Variants in COL25A1 observed in about 807,000 individuals in gnomAD.
COL25A1 encodes collagen type XXV alpha 1 chain.
A neutral mutation model predicts 128.4 loss-of-function variants in COL25A1; 103 were observed. The observed-to-expected ratio is 0.80, with a 90% CI of 0.68 to 0.94. COL25A1 has a LOEUF of 0.94. COL25A1 is among the 40% of genes least tolerant of loss of function. COL25A1 has a pLI of 0.00. For synonymous variants in COL25A1, 279 were observed against 277.2 expected (o/e 1.01, Z -0.06); for missense variants, 745 against 840.0 (o/e 0.89, Z 1.40).
intron 7 of COL25A1, 54 bp from the exon 8 acceptor site, chr4:108,974,447 T>C: frequency 1.9e-6 from 3 of 1,610,126 alleles, no homozygotes; most frequent in Non-Finnish European, 2.5e-6. Context: ...TACATGATGT[T>C]CATTAAAAAG....
At chr4:109,055,223 A>T (rs921312013) in intron 3 of COL25A1, among the ~76,000 whole-genome samples, 4 of 152,222 alleles carry the variant, frequency 2.6e-5, no homozygotes, top group Non-Finnish European at 4.4e-5. Flanking sequence ...AATAAAATTT[A>T]TTCTCTCCAT....
rs146371847 is a variant in COL25A1 at position 109,245,805 on chromosome 4, C to T, written c.367+54778G>A. Among the ~76,000 whole-genome samples, 129 of 152,010 alleles carry T rather than the reference C, an allele frequency of 8.5e-4. 3 individuals are homozygous for T. The highest frequency in any genetic ancestry group is 2.9e-3 in the African/African-American group (119 of 41,450). On this transcript the variant is annotated intron_variant, in intron 3 of 37. Coordinates refer to ENST00000399132, the MANE Select transcript of COL25A1 (RefSeq NM_198721.4). ...GAGCTTCAGTTAATACAACTATACC[C>T]CAAAGGTAGCAGCAAAAAAACAACT...
rs1363720041 is a variant in COL25A1, at chr4:108,809,145, C to CA, written c.*4781dup. 1.3e-5 allele frequency: 2 copies of CA among 151,700 alleles called. No individual in the cohort carries two copies. Among genetic ancestry groups the CA allele is most frequent in the African/African-American group, 4.8e-5 (2 of 41,350 alleles). The allele number at this position is 151,700 out of a possible 1,614,324, so 9.4% of individuals were successfully genotyped here. ...TAATCAATTGTATGAGACTGGCCCA[C>CA]AAACATTTAAAAAAATATGCAGTGT... On this transcript the variant is annotated 3_prime_UTR_variant, in exon 38 of 38. Coordinates refer to ENST00000399132, the MANE Select transcript of COL25A1 (RefSeq NM_198721.4).
chr4:109,155,799 T>C (rs1450901104), intron 3 of COL25A1, among the ~76,000 whole-genome samples: 1 of 152,218 alleles, frequency 6.6e-6, no homozygotes, highest in Admixed American at 6.5e-5. Flanking sequence ...GGCACCATTA[T>C]GTAAGTAGGC....
At chr4:109,246,817 G>A (rs1780296643) in intron 3 of COL25A1, among the ~76,000 whole-genome samples, 1 of 151,880 alleles carries the variant, frequency 6.6e-6, no homozygotes, top group African/African-American at 2.4e-5. Flanking sequence ...GGTTTGTAAG[G>A]GACACAAGGA....
intron 3 of COL25A1, among the ~76,000 whole-genome samples, chr4:109,081,797 G>A (rs1220059184): frequency 2.6e-5 from 4 of 151,676 alleles, no homozygotes; most frequent in African/African-American, 4.8e-5. Flanking sequence ...TCCATCTCCC[G>A]GGCTCAAGCA....
chr4:109,081,310 G>A (rs1763813977), intron 3 of COL25A1, among the ~76,000 whole-genome samples: 1 of 152,038 alleles, frequency 6.6e-6, no homozygotes, highest in Non-Finnish European at 1.5e-5. Context: ...AAGGGCAAGG[G>A]ATATACAAAA....
intron 3 of COL25A1, among the ~76,000 whole-genome samples, chr4:109,087,743 T>C (rs1326987937): frequency 1.3e-5 from 2 of 152,200 alleles, no homozygotes; most frequent in African/African-American, 4.8e-5. Flanking sequence ...TTAGGAAATA[T>C]ATTCTTCAAA....
intron 3 of COL25A1, among the ~76,000 whole-genome samples, chr4:109,197,371 A>T (rs1381091344): frequency 7.8e-6 from 1 of 128,542 alleles, no homozygotes; most frequent in African/African-American, 3.0e-5. Flanking sequence ...AAAATATATA[A>T]TATATATAAT....
chr4:109,117,045 T>C (rs968069657), intron 3 of COL25A1, among the ~76,000 whole-genome samples: 6 of 151,580 alleles, frequency 4.0e-5, no homozygotes, highest in East Asian at 3.9e-4. Flanking sequence ...ACATGCGTAA[T>C]AGGAATATCA....
intron 3 of COL25A1, among the ~76,000 whole-genome samples, chr4:109,261,131 T>C (rs1296766240): frequency 3.3e-5 from 5 of 152,358 alleles, no homozygotes; most frequent in Admixed American, 1.3e-4. Context: ...TTATTATCTT[T>C]AGTCTTAAAA....
In COL25A1 at chr4:108,863,318, C is replaced by T. The variant is rs756965481; in HGVS notation, c.1152+1G>A. 3.7e-6 allele frequency: 6 copies of T among 1,613,538 alleles called. No individual in the cohort carries two copies. Among genetic ancestry groups the T allele is most frequent in the South Asian group, 1.1e-5 (1 of 91,008 alleles). The stretch of plus-strand genomic sequence containing the variant: ...TATTTTCCAGTTTAAGAATAACTCA[C>T]CTTTGGTCCGGGGGCTCCAGGTTCC... On this transcript the variant is annotated splice_donor_variant, in intron 21 of 37. Coordinates refer to ENST00000399132, the MANE Select transcript of COL25A1 (RefSeq NM_198721.4). LOFTEE classifies it high-confidence loss of function.
intron 17 of COL25A1, 70 bp downstream of exon 17, chr4:108,889,627 GGAGA>G (rs1169228376): frequency 7.6e-7 from 1 of 1,310,212 alleles, no homozygotes; most frequent in Non-Finnish European, 1.1e-6. Flanking sequence ...TGCTAAAAAG[GGAGA>G]GAAAGTAGAG....
intron 32 of COL25A1, among the ~76,000 whole-genome samples, chr4:108,831,406 G>C (rs1350906522): frequency 1.3e-5 from 2 of 152,028 alleles, no homozygotes; most frequent in Non-Finnish European, 2.9e-5. Context: ...CAGAATTATG[G>C]AATTGGAAGG....
At position 109,114,374 on chromosome 4, in the gene COL25A1, T is replaced by C. The variant is rs111748014; in HGVS notation, c.368-64195A>G. Reference sequence around the variant, plus strand: ...GTATACTTGCAAAGACAGATGACTATGAGTAAGTATGAATGTAGGTGGACA... The same window carrying C: ...GTATACTTGCAAAGACAGATGACTACGAGTAAGTATGAATGTAGGTGGACA... On this transcript the variant is annotated intron_variant, in intron 3 of 37. Coordinates refer to ENST00000399132, the MANE Select transcript of COL25A1 (RefSeq NM_198721.4). Among the ~76,000 whole-genome samples, 1,403 of 152,182 alleles carry C rather than the reference T, an allele frequency of 9.2e-3. 21 individuals are homozygous for C. Among genetic ancestry groups the C allele is most frequent in the African/African-American group, 0.027 (1,142 of 41,542 alleles).
At chr4:108,824,135 A>C (rs1316750590) in intron 35 of COL25A1, 39 bp downstream of exon 35, 1 of 1,613,930 alleles carries the variant, frequency 6.2e-7, no homozygotes, top group African/African-American at 1.3e-5. Flanking sequence ...ACAGCAGGAG[A>C]AGAATCAAAC....
intron 3 of COL25A1, among the ~76,000 whole-genome samples, chr4:109,070,084 G>A (rs769657676): frequency 2.7e-5 from 4 of 150,374 alleles, no homozygotes; most frequent in South Asian, 4.2e-4. Flanking sequence ...GTGAAACCCC[G>A]TCTCTACTAA....
At position 108,811,434 on chromosome 4, in the gene COL25A1, T is replaced by C; in HGVS notation, c.*2493A>G. The C allele has an allele frequency of 1.3e-5, 2 of 152,134 alleles. 1 individual carries two copies. The highest frequency in any genetic ancestry group is 1.3e-4 in the Admixed American group (2 of 15,272). 9.4% of individuals were successfully genotyped at this position (152,134 alleles called of 1,614,324 possible). ...GAAGGGCTGTATTTCAAAAAATTTT[T>C]TTATACATAAAGTGTTTTTCTTTTG... On this transcript the variant is annotated 3_prime_UTR_variant, in exon 38 of 38. Coordinates refer to ENST00000399132, the MANE Select transcript of COL25A1 (RefSeq NM_198721.4).
intron 6 of COL25A1, among the ~76,000 whole-genome samples, chr4:109,008,269 A>G (rs1253506907): frequency 1.3e-5 from 2 of 152,194 alleles, no homozygotes; most frequent in Non-Finnish European, 2.9e-5. Flanking sequence ...GGATAAATCC[A>G]TCAACTTCCT....
Sources: gnomAD v4.1 joint callset for allele counts (sites outside exome capture counted in the v4.1 genomes callset) on GRCh38, gnomAD v4.1.1 for gene constraint, MANE v1.5 for transcripts, NCBI Gene and HGNC (gene_info 2026-07-23, HGNC 2026-07-21) for gene names.